ZNF273: variants seen among roughly 807,000 people sequenced by gnomAD.
The protein encoded by ZNF273 is zinc finger protein 9.
In ZNF273, 11 loss-of-function variants were observed where a neutral mutation model predicts 14.9. The ratio of observed to expected loss-of-function variants is 0.74; its 90% CI spans 0.46 to 1.22. ZNF273 has a LOEUF of 1.22. ZNF273 is among the 50% of genes most tolerant of loss of function. The pLI is 0.00. For synonymous variants in ZNF273, 199 were observed against 223.9 expected, an observed-to-expected ratio of 0.89 and a Z score of 0.99; for missense variants, 577 against 660.6, an observed-to-expected ratio of 0.87 and a Z score of 1.39.
intron 1 of ZNF273, among the ~76,000 whole-genome samples, chr7:64,906,950 A>T (rs1276136838): frequency 2.6e-5 from 4 of 152,164 alleles, no homozygotes; most frequent in Non-Finnish European, 5.9e-5. Context: ...GTGGGAGGGG[A>T]TGGCAAATAG....
chr7:64,888,448 G>A, intron 1 of ZNF273: 1 of 985,846 alleles, frequency 1.0e-6, no homozygotes, highest in Non-Finnish European at 1.2e-6. Context: ...TGGCTCTCAA[G>A]GAAGGGAGCT....
chr7:64,891,555 G>A (rs547022665), downstream of ZNF273, among the ~76,000 whole-genome samples: 5 of 152,182 alleles, frequency 3.3e-5, no homozygotes, highest in Non-Finnish European at 5.9e-5. Context: ...CCCAGACATC[G>A]TTGTGGCCCT....
Position 64,918,253 on chromosome 7 carries a change from T to G in ZNF273, c.286T>G (p.Cys96Gly). The G allele has an allele frequency of 6.4e-7, 1 of 1,571,146 alleles. No individual in the cohort carries two copies. Among genetic ancestry groups the G allele is most frequent in the Non-Finnish European group, 8.7e-7 (1 of 1,154,984 alleles). ...ITCLEQGKEP[C>G]NMKRHAMVAK... ...TTGTCTGGAGCAAGGAAAAGAGCCC[T>G]GCAATATGAAGAGACATGCGATGGT... is the stretch of plus-strand genomic sequence containing the variant. Residue 96 changes from cysteine to glycine, a missense_variant, in exon 3 of 4, where the codon TGC becomes GGC. By Grantham distance (159) the Cys-to-Gly change is radical (BLOSUM62 -3). Around this residue, in one of 3 missense-constraint regions of ZNF273, gnomAD observed 162 missense variants for 203.5 expected, o/e 0.80. Coordinates refer to ENST00000476120, the MANE Select transcript of ZNF273 (RefSeq NM_021148.3).
intron 3 of ZNF273, among the ~76,000 whole-genome samples, chr7:64,918,762 A>G (rs1366320380): frequency 6.6e-6 from 1 of 150,678 alleles, no homozygotes; most frequent in East Asian, 1.9e-4. Flanking sequence ...TTGCTCTCAC[A>G]TAGGAGCATA....
intron 1 of ZNF273, among the ~76,000 whole-genome samples, chr7:64,914,611 A>G (rs1793821612): frequency 6.6e-6 from 1 of 152,170 alleles, no homozygotes; most frequent in African/African-American, 2.4e-5. Flanking sequence ...CCATATTGCC[A>G]TTACTGTAGC....
downstream of ZNF273, chr7:64,889,015 T>C (rs891628500): frequency 7.9e-5 from 78 of 985,842 alleles, no homozygotes; most frequent in Non-Finnish European, 9.0e-5. This position sits in a 1 kb window ranked among gnomAD's most constrained non-coding sequence, Gnocchi z 4.2. Flanking sequence ...CAGAACCGCC[T>C]ACAAGGAACC....
intron 1 of ZNF273, among the ~76,000 whole-genome samples, chr7:64,909,005 G>A (rs1291895108): frequency 6.6e-6 from 1 of 152,128 alleles, no homozygotes; most frequent in Non-Finnish European, 1.5e-5. Flanking sequence ...AACATCCTGG[G>A]CTTAAGCAAT....
chr7:64,932,399 C>A (rs1241338493), downstream of ZNF273, among the ~76,000 whole-genome samples: 4 of 152,198 alleles, frequency 2.6e-5, no homozygotes, highest in East Asian at 7.8e-4. Flanking sequence ...CAACCTCCAC[C>A]TCCTGGGTTT....
In ZNF273 at chr7:64,903,385, C is replaced by T. The variant is rs759972316; in HGVS notation, c.68C>T (p.Ala23Val). ...CCTGCAGGTATTGGGAGATCCACAG[C>T]TAAGACGCCAGGACTCCCTGGAAGC... ...PLPAGIGRST[A>V]KTPGLPGSLE... The change falls in exon 1 of 4, where the codon GCT (alanine) becomes GTT (valine). Residue 23 changes from alanine (A) to valine (V), a missense_variant. Coordinates refer to ENST00000476120, the MANE Select transcript of ZNF273 (RefSeq NM_021148.3). 6.2e-7 allele frequency: 1 copy of T among 1,613,548 alleles called. No individual in the cohort carries two copies. The highest frequency in any genetic ancestry group is 1.1e-5 in the South Asian group (1 of 91,080).
At chr7:64,887,944 G>A (rs1791698499) in intron 1 of ZNF273, among the ~76,000 whole-genome samples, 1 of 152,048 alleles carries the variant, frequency 6.6e-6, no homozygotes, top group South Asian at 2.1e-4. Flanking sequence ...GCATCCTGAT[G>A]GGGGAAGCAG....
intron 3 of ZNF273, among the ~76,000 whole-genome samples, chr7:64,925,067 G>A (rs1037320768): frequency 1.3e-5 from 2 of 152,142 alleles, no homozygotes; most frequent in African/African-American, 4.8e-5. Flanking sequence ...CTCCCAAAGT[G>A]CTGGGATTAC....
chr7:64,883,223 T>A (rs6460204), downstream of ZNF273, among the ~76,000 whole-genome samples: 1 of 138,070 alleles, frequency 7.2e-6, no homozygotes, highest in Non-Finnish European at 1.6e-5. Flanking sequence ...CACCCCCCCC[T>A]CACCAAGCAG....
intron 3 of ZNF273, chr7:64,924,477 A>G (rs955581397): frequency 1.3e-5 from 2 of 151,628 alleles, no homozygotes; most frequent in Non-Finnish European, 1.5e-5. Flanking sequence ...TTTGCTTTAT[A>G]TATTTGGAAC....
At chr7:64,898,231 T>C (rs1164072114) in intron 4 of ZNF273, among the ~76,000 whole-genome samples, 1 of 152,202 alleles carries the variant, frequency 6.6e-6, no homozygotes, top group East Asian at 1.9e-4. Context: ...TTTATATAAG[T>C]ATTCAATTTA....
intron 3 of ZNF273, among the ~76,000 whole-genome samples, chr7:64,895,742 C>T (rs1409364835): frequency 1.3e-5 from 2 of 152,146 alleles, no homozygotes; most frequent in Non-Finnish European, 2.9e-5. Flanking sequence ...TATTTCAGCA[C>T]ATATATCCAG....
intron 1 of ZNF273, among the ~76,000 whole-genome samples, chr7:64,903,709 T>G (rs945669939): frequency 6.6e-6 from 1 of 152,192 alleles, no homozygotes; most frequent in African/African-American, 2.4e-5. Context: ...CCTCGATGAC[T>G]CGGGATGCAG....
downstream of ZNF273, chr7:64,890,064 C>T (rs1791882622): frequency 6.6e-6 from 1 of 152,074 alleles, no homozygotes; most frequent in Non-Finnish European, 1.5e-5. Context: ...ATCCTCTTGC[C>T]CAAGGAGGCT....
intron 1 of ZNF273, among the ~76,000 whole-genome samples, chr7:64,910,340 G>A (rs984546497): frequency 6.6e-6 from 1 of 152,086 alleles, no homozygotes; most frequent in Non-Finnish European, 1.5e-5. Context: ...TTTATCTTGA[G>A]TTGACTTTTG....
intron 3 of ZNF273, chr7:64,924,551 G>A (rs1241882064): frequency 6.6e-6 from 1 of 151,956 alleles, no homozygotes; most frequent in Non-Finnish European, 1.5e-5. Context: ...GCGCAAATTT[G>A]TCATAGTTTC....
Sources: gnomAD v4.1 joint callset for allele counts (sites outside exome capture counted in the v4.1 genomes callset) on GRCh38, gnomAD v4.1.1 for gene constraint, gnomAD v4.1.1 regional missense constraint, Gnocchi (gnomAD v3.1) non-coding constraint, MANE v1.5 for transcripts, NCBI Gene and HGNC (gene_info 2026-07-23, HGNC 2026-07-21) for gene names.